The following ATRX variants were observed in gnomAD, a reference collection of about 807,000 sequenced individuals.
ATRX encodes chromatin remodeler ATRX.
ATRX carries 12 observed loss-of-function variants against 172.6 expected under a neutral mutation model. That is an observed-to-expected ratio of 0.07 (90% CI 0.04 to 0.11). The LOEUF is 0.11. Among genes scored for constraint, ATRX ranks in the 10% least tolerant of loss-of-function variants. ATRX has a pLI of 1.00. For missense variants in ATRX, 1,368 were observed against 1,767.4 expected (o/e 0.77, Z 4.05); for synonymous variants, 674 against 594.7 (o/e 1.13, Z -1.94).
chrX:77,620,320 G>A (rs1251499303), intron 20 of ATRX, 75 bp downstream of exon 20: 2 of 1,090,945 alleles, frequency 1.8e-6, no homozygotes, highest in Non-Finnish European at 1.3e-6. Flanking sequence ...TAGAAGAAAG[G>A]TAAATGGTAA....
Position 77,664,707 on chromosome X carries a change from T to C in ATRX, c.3881A>G (p.Asp1294Gly), listed in dbSNP as rs1346512782. The change falls in exon 11 of 35, where the codon GAT becomes GGT. Residue 1294 changes from aspartate to glycine, a missense_variant. Coordinates refer to ENST00000373344, the MANE Select transcript of ATRX (RefSeq NM_000489.6). ...LSSDEDGSSD[D>G]EPEEGKKRTG... ...TCTTTTTTTCCCTTCTTCTGGCTCA[T>C]CATCTGAAGATCCATCCTCATCAGA... The C allele has an allele frequency of 8.3e-7, 1 of 1,208,061 alleles. No homozygotes were observed. Among genetic ancestry groups the C allele is most frequent in the Non-Finnish European group, 1.1e-6 (1 of 893,757 alleles).
At chrX:77,553,872 T>C (rs1322043171) in intron 30 of ATRX, among the ~76,000 whole-genome samples, 1 of 112,215 alleles carries the variant, frequency 8.9e-6, no homozygotes, top group Non-Finnish European at 1.9e-5. Flanking sequence ...TAAGGTAAGC[T>C]TTTAAGACTA....
At position 77,517,821 on chromosome X, in the gene ATRX, A is replaced by G. The variant is rs185714562; in HGVS notation, c.7200+2967T>C. 2.7e-5 allele frequency among the ~76,000 whole-genome samples: 3 copies of G among 112,250 alleles called. No homozygotes were observed. The East Asian group carries it at 8.4e-4, about 31-fold the overall frequency. ...CACCACATTAAAAAGGTGTTGTTGA[A>G]CATGACCAAGTGGGATTTATCCAAG... On this transcript the variant is annotated intron_variant, in intron 34 of 34. Transcript: ENST00000373344.
rs2066543049 is a variant in ATRX, at chrX:77,598,322, AACTACT to A, written c.5956+1083_5956+1088del. On this transcript the variant is annotated intron_variant, in intron 25 of 34. Transcript: ENST00000373344. ...GAAAGGGGGCAAAGACTGAAAAACT[AACTACT>A]GAGTACTATGTTCAGTACCTGGGGA... Among the ~76,000 whole-genome samples, 3 of 111,326 alleles carry A rather than the reference AACTACT, an allele frequency of 2.7e-5. No homozygotes were observed. In the East Asian group the frequency reaches 8.4e-4, roughly 31 times the overall value.
Position 77,696,711 on chromosome X carries a change from A to G in ATRX, c.243-7T>C. Reference sequence around the variant, plus strand: ...TGTTACAATTGAAGGTTTCCTATGAAAGAATTAAGTTCATAGAATTATGAA... The same window carrying G: ...TGTTACAATTGAAGGTTTCCTATGAGAGAATTAAGTTCATAGAATTATGAA... On this transcript the variant is annotated splice_polypyrimidine_tract_variant and splice_region_variant and intron_variant, in intron 4 of 34. Coordinates refer to ENST00000373344, the MANE Select transcript of ATRX (RefSeq NM_000489.6). 8.4e-7 allele frequency: 1 copy of G among 1,189,151 alleles called. No homozygotes were observed. Among genetic ancestry groups the G allele is most frequent in the Non-Finnish European group, 1.1e-6 (1 of 875,941 alleles).
chrX:77,533,851 G>C, intron 30 of ATRX, among the ~76,000 whole-genome samples: 1 of 111,913 alleles, frequency 8.9e-6, no homozygotes, highest in Non-Finnish European at 1.9e-5. Flanking sequence ...CCTTTCCGTG[G>C]ATATCATTTT....
rs782675805 is a variant in ATRX, at chrX:77,511,549, T to C, written c.7201-2920A>G. 3.6e-5 allele frequency among the ~76,000 whole-genome samples: 4 copies of C among 111,594 alleles called. No homozygotes were observed. The Admixed American group carries it at 3.8e-4, about 11-fold the overall frequency. On this transcript the variant is annotated intron_variant, in intron 34 of 34. Transcript: ENST00000373344. The stretch of plus-strand genomic sequence containing the variant: ...TTCAAAAGAGCTGTCTTGAGGAAAT[T>C]CAATGAAATTCAAGATAATATGGAG...
intron 2 of ATRX, among the ~76,000 whole-genome samples, chrX:77,703,796 G>A (rs1202160866): frequency 1.8e-5 from 2 of 111,887 alleles, no homozygotes; most frequent in African/African-American, 6.5e-5. Flanking sequence ...TTGAGCAATA[G>A]AACAGCTCAG....
intron 27 of ATRX, among the ~76,000 whole-genome samples, chrX:77,585,702 T>C (rs782571518): frequency 8.4e-5 from 9 of 106,874 alleles, no homozygotes; most frequent in East Asian, 2.9e-4. Context: ...GCACTGTCTA[T>C]TGTAGCACTG....
At chrX:77,778,243 T>C (rs1292215777) in intron 1 of ATRX, among the ~76,000 whole-genome samples, 1 of 109,213 alleles carries the variant, frequency 9.2e-6, no homozygotes, top group Non-Finnish European at 1.9e-5. Context: ...AAAGCTACCA[T>C]ACAAAATGCA....
At chrX:77,543,849 T>G (rs1389748044) in intron 30 of ATRX, among the ~76,000 whole-genome samples, 3 of 109,860 alleles carry the variant, frequency 2.7e-5, no homozygotes, top group African/African-American at 6.6e-5. Context: ...AGGAGAAATA[T>G]CTAATGTAGG....
chrX:77,568,082 A>T (rs1407027651), intron 28 of ATRX, among the ~76,000 whole-genome samples: 1 of 110,703 alleles, frequency 9.0e-6, no homozygotes, highest in African/African-American at 3.3e-5. Flanking sequence ...CTCAAATCAA[A>T]TTAGTAATCT....
chrX:77,620,619 T>A (rs2148273911), intron 19 of ATRX, 87 bp from the exon 20 acceptor site: 1 of 863,620 alleles, frequency 1.2e-6, no homozygotes, highest in Non-Finnish European at 1.6e-6. Context: ...TTAATCCCTT[T>A]AAAGTGCTGA....
At chrX:77,723,598 G>C (rs969393267) in intron 1 of ATRX, among the ~76,000 whole-genome samples, 3 of 111,312 alleles carry the variant, frequency 2.7e-5, no homozygotes. Flanking sequence ...CATTCTTTCA[G>C]ATAAGAGTCA....
At chrX:77,777,132 T>A (rs1308777007) in intron 1 of ATRX, among the ~76,000 whole-genome samples, 4 of 90,597 alleles carry the variant, frequency 4.4e-5, no homozygotes, top group African/African-American at 1.8e-4. Flanking sequence ...GGCAGGCGGA[T>A]CACCTGAGGT....
chrX:77,596,296 C>A (rs972707454), intron 25 of ATRX: 1 of 111,068 alleles, frequency 9.0e-6, no homozygotes, highest in Non-Finnish European at 1.9e-5. Flanking sequence ...GGCAGACTAG[C>A]CCCTTAATAC....
intron 27 of ATRX, chrX:77,575,811 G>T (rs2148026322): frequency 8.9e-6 from 1 of 111,750 alleles, no homozygotes; most frequent in Non-Finnish European, 1.9e-5. Context: ...AGGATTCAAT[G>T]AGATAATATT....
At chrX:77,717,004 TC>T in intron 2 of ATRX, 126 bp downstream of exon 2, 2 of 560,733 alleles carry the variant, frequency 3.6e-6, no homozygotes, top group South Asian at 2.9e-5. Flanking sequence ...TGCTAATCTG[TC>T]ATTTTCCACA....
chrX:77,734,908 C>T (rs1470563631), intron 1 of ATRX, among the ~76,000 whole-genome samples: 2 of 105,768 alleles, frequency 1.9e-5, no homozygotes, highest in Admixed American at 1.0e-4. Flanking sequence ...GTCAAGAGTT[C>T]GAGATCAGCC....
Sources: gnomAD v4.1 joint callset for allele counts (sites outside exome capture counted in the v4.1 genomes callset) on GRCh38, gnomAD v4.1.1 for gene constraint, MANE v1.5 for transcripts, NCBI Gene and HGNC (gene_info 2026-07-23, HGNC 2026-07-21) for gene names.